The following CALCOCO1 variants were observed in gnomAD, a reference collection of about 807,000 sequenced individuals.
CALCOCO1 encodes calcium-binding and coiled-coil domain-containing protein 1.
In CALCOCO1, 44 loss-of-function variants were observed where a neutral mutation model predicts 86.3. The observed-to-expected ratio is 0.51, with a 90% CI of 0.40 to 0.66. CALCOCO1 has a LOEUF of 0.66. Among genes scored for constraint, CALCOCO1 ranks in the 30% least tolerant of loss-of-function variants. The pLI, the probability that CALCOCO1 is intolerant of heterozygous loss-of-function variation, is 0.00. For synonymous variants in CALCOCO1, 297 were observed against 327.6 expected, an observed-to-expected ratio of 0.91 and a Z score of 1.01; for missense variants, 708 against 851.1, an observed-to-expected ratio of 0.83 and a Z score of 2.09.
At chr12:53,717,921 A>G (rs1945769430) in intron 7 of CALCOCO1, among the ~76,000 whole-genome samples, 1 of 152,188 alleles carries the variant, frequency 6.6e-6, no homozygotes, top group South Asian at 2.1e-4. Context: ...GCTACTCAGG[A>G]GGCTGAGACA....
intron 1 of CALCOCO1, among the ~76,000 whole-genome samples, chr12:53,727,087 G>A (rs537970468): frequency 1.3e-5 from 2 of 152,230 alleles, no homozygotes; most frequent in South Asian, 2.1e-4. Flanking sequence ...GGGAGAGAGG[G>A]AAGACGTGTA....
At chr12:53,712,942 G>C in intron 14 of CALCOCO1, 158 bp downstream of exon 14, 1 of 1,289,260 alleles carries the variant, frequency 7.8e-7, no homozygotes, top group Non-Finnish European at 1.1e-6. Context: ...ATTTGGAGCA[G>C]TGAGTCATTT....
At chr12:53,720,946 C>T (rs1945851942) in intron 6 of CALCOCO1, among the ~76,000 whole-genome samples, 1 of 152,216 alleles carries the variant, frequency 6.6e-6, no homozygotes, top group Non-Finnish European at 1.5e-5. Context: ...TGACAGCTGT[C>T]AAATGTTAAA....
intron 14 of CALCOCO1, 112 bp downstream of exon 14, chr12:53,712,988 C>T (rs1945611883): frequency 8.5e-6 from 11 of 1,297,394 alleles, no homozygotes; most frequent in Middle Eastern, 3.7e-4. Flanking sequence ...CTTTTCTTGG[C>T]TGAGGCCAAG....
chr12:53,715,119 G>T, intron 10 of CALCOCO1, 81 bp downstream of exon 10: 1 of 1,519,184 alleles, frequency 6.6e-7, no homozygotes, highest in Non-Finnish European at 8.9e-7. Flanking sequence ...GCACTTCTGA[G>T]CCCATACCCA....
At chr12:53,718,919 C>A (rs1945799316) in intron 7 of CALCOCO1, among the ~76,000 whole-genome samples, 1 of 139,682 alleles carries the variant, frequency 7.2e-6, no homozygotes, top group Non-Finnish European at 1.5e-5. Context: ...GTGATCTAGG[C>A]TCACTGCAAT....
chr12:53,717,778 A>G (rs533151736), intron 7 of CALCOCO1, among the ~76,000 whole-genome samples: 9 of 152,310 alleles, frequency 5.9e-5, no homozygotes, highest in Admixed American at 1.3e-4. Flanking sequence ...TCTCGGCATG[A>G]TTTGGGAGGC....
intron 7 of CALCOCO1, among the ~76,000 whole-genome samples, chr12:53,718,419 A>C (rs1945784479): frequency 6.6e-6 from 1 of 152,218 alleles, no homozygotes; most frequent in African/African-American, 2.4e-5. Flanking sequence ...ATAGTAATAA[A>C]ACATTGTTTT....
chr12:53,721,509 G>A lies in CALCOCO1; in HGVS notation c.716C>T (p.Thr239Ile). 6.2e-7 allele frequency: 1 copy of A among 1,613,518 alleles called. No homozygotes were observed. The highest frequency in any genetic ancestry group is 8.5e-7 in the Non-Finnish European group (1 of 1,179,822). The change falls in exon 6 of 15, where the codon ACC becomes ATC. Residue 239 changes from threonine to isoleucine, a missense_variant. Transcript: ENST00000550804. ...CTTCGTCAGCACTTTCTCACTGATG[G>A]TCTGGATGTCATCCTCTAGCTCCAG... ...RILELEDDIQ[T>I]ISEKVLTKEV...
At chr12:53,714,535 A>T in intron 11 of CALCOCO1, 63 bp downstream of exon 11, 1 of 1,263,000 alleles carries the variant, frequency 7.9e-7, no homozygotes, top group East Asian at 2.3e-5. Context: ...AGGAATTTAC[A>T]AAGTTTCTAG....
chr12:53,717,382 G>A (rs893427815), intron 7 of CALCOCO1, among the ~76,000 whole-genome samples: 4 of 152,256 alleles, frequency 2.6e-5, no homozygotes, highest in East Asian at 1.9e-4. Flanking sequence ...TACAGTACAC[G>A]TCACCCCTGC....
At position 53,724,427 on chromosome 12, in the gene CALCOCO1, G is replaced by A. The variant is rs142189400; in HGVS notation, c.259+218C>T. The A allele has an allele frequency of 2.3e-4, 122 of 536,342 alleles. No homozygotes were observed. Among genetic ancestry groups the A allele is most frequent in the African/African-American group, 2.2e-3 (113 of 52,520 alleles). The allele number at this position is 536,342 out of a possible 1,614,324, so 33.2% of individuals were successfully genotyped here. On this transcript the variant is annotated intron_variant, in intron 3 of 14. Coordinates refer to ENST00000550804, the MANE Select transcript of CALCOCO1 (RefSeq NM_020898.3). ...CTTTGGGTAGGACAGGGGACTAGAT[G>A]CCCTCTGAAGTTCCTTCTGTTTCTA... is the stretch of plus-strand genomic sequence containing the variant.
chr12:53,722,233 T>C (rs747100628), intron 4 of CALCOCO1, 50 bp from the exon 5 acceptor site: 4 of 1,601,364 alleles, frequency 2.5e-6, no homozygotes, highest in Non-Finnish European at 3.4e-6. Flanking sequence ...GTACCCCTTC[T>C]AAGGTCCCAT....
rs1047742539 is a variant in CALCOCO1, at chr12:53,725,222, G to A, written c.21C>T (p.Ser7=). 1.9e-6 allele frequency: 3 copies of A among 1,602,842 alleles called. No individual in the cohort carries two copies. The highest frequency in any genetic ancestry group is 1.7e-4 in the Middle Eastern group (1 of 6,024). Residue 7 remains serine, a synonymous_variant, in exon 2 of 15, where the codon AGC becomes AGT. Coordinates refer to ENST00000550804, the MANE Select transcript of CALCOCO1 (RefSeq NM_020898.3). The part of the protein sequence containing the change: MEESPL[S]RAPSRGGVNF... ...TGACTCCACCACGGGATGGTGCCCG[G>A]CTTAGTGGTGATTCTTCCATCCTGG...
chr12:53,723,497 C>T (rs904952012), intron 4 of CALCOCO1, 96 bp downstream of exon 4: 55 of 1,299,336 alleles, frequency 4.2e-5, no homozygotes, highest in East Asian at 2.3e-4. Flanking sequence ...CTTTAGTTGG[C>T]GCCACAGATG....
chr12:53,714,457 A>G (rs752317303), intron 11 of CALCOCO1, 141 bp downstream of exon 11: 27 of 695,062 alleles, frequency 3.9e-5, no homozygotes, highest in Non-Finnish European at 6.0e-5. Context: ...GTCCTGCCAA[A>G]TCAGCTAATA....
At position 53,716,468 on chromosome 12, in the gene CALCOCO1, C is replaced by T. The variant is rs143859238; in HGVS notation, c.850-53G>A. The T allele has an allele frequency of 1.7e-4, 272 of 1,598,172 alleles. 1 individual carries two copies. In the African/African-American group the frequency reaches 2.9e-3, roughly 17 times the overall value. On this transcript the variant is annotated intron_variant, in intron 7 of 14. Transcript: ENST00000550804. ...AAGGGGTATGTGTGTTGGGGTGGCT[C>T]GGGAGGTGAACCATTGTGATGAGAG...
Position 53,718,537 on chromosome 12 carries a change from T to C in CALCOCO1, c.849+1202A>G, listed in dbSNP as rs527516875. On this transcript the variant is annotated intron_variant, in intron 7 of 14. Coordinates refer to ENST00000550804, the MANE Select transcript of CALCOCO1 (RefSeq NM_020898.3). ...AGTACTAGGCCCCACACCCCACCCCTTTTTTTTCTGAGACAGAATCTTGCT... is the reference window on the plus strand; with the variant it reads ...AGTACTAGGCCCCACACCCCACCCCCTTTTTTTCTGAGACAGAATCTTGCT... Among the ~76,000 whole-genome samples, 4 of 152,056 alleles carry C rather than the reference T, an allele frequency of 2.6e-5. No homozygotes were observed. In the South Asian group the frequency reaches 8.3e-4, roughly 32 times the overall value.
rs1261551896 is a variant in CALCOCO1 at position 53,711,938 on chromosome 12, G to A, written c.*6C>T. ...TGTGTATTTGTGCATGTACGAGGGA[G>A]TAAGATCACTCAAAGGTGAAGGGGT... On this transcript the variant is annotated 3_prime_UTR_variant, in exon 15 of 15. Transcript: ENST00000550804. 3.9e-6 allele frequency: 6 copies of A among 1,555,722 alleles called. No individual in the cohort carries two copies. The Admixed American group carries it at 7.6e-5, about 20-fold the overall frequency.
Sources: allele counts gnomAD v4.1 joint callset (sites outside exome capture counted in the v4.1 genomes callset), GRCh38; gene constraint gnomAD v4.1.1; transcripts MANE v1.5; gene names NCBI Gene and HGNC (gene_info 2026-07-23, HGNC 2026-07-21).